The following CCDC149 variants were observed in gnomAD, a reference collection of about 807,000 sequenced individuals.
CCDC149 encodes the protein coiled-coil domain containing 149.
In CCDC149, 45 loss-of-function variants were observed where a neutral mutation model predicts 59.9. The ratio of observed to expected loss-of-function variants is 0.75; its 90% CI spans 0.59 to 0.96. CCDC149 has a LOEUF of 0.96. Among genes scored for constraint, CCDC149 ranks in the 40% least tolerant of loss-of-function variants. The probability of loss-of-function intolerance (pLI) is 0.00; values close to 1 mark genes in which losing one functional copy is unlikely to be tolerated. For missense variants in CCDC149, 584 were observed against 664.7 expected, an observed-to-expected ratio of 0.88 and a Z score of 1.33; for synonymous variants, 245 against 260.6, an observed-to-expected ratio of 0.94 and a Z score of 0.58.
chr4:24,816,665 G>A (rs1294210204), intron 12 of CCDC149, among the ~76,000 whole-genome samples: 1 of 152,060 alleles, frequency 6.6e-6, no homozygotes, highest in African/African-American at 2.4e-5. Context: ...TAATTATTCA[G>A]TGTTTTAGCA....
chr4:24,903,024 C>CAAAAAAAAAAAAAAAA (rs10646050), intron 1 of CCDC149, among the ~76,000 whole-genome samples: 2 of 52,508 alleles, frequency 3.8e-5, no homozygotes, highest in Non-Finnish European at 6.7e-5. Flanking sequence ...GAGTCTAACT[C>CAAAAAAAAAAAAAAAA]AAAAAAAAAA....
At chr4:24,884,536 A>C (rs2109268212) in intron 1 of CCDC149, among the ~76,000 whole-genome samples, 1 of 152,346 alleles carries the variant, frequency 6.6e-6, no homozygotes, top group Middle Eastern at 3.4e-3. Context: ...ATAGTGGCTA[A>C]CTACAGTACA....
chr4:24,943,677 G>A (rs943761925), intron 1 of CCDC149, among the ~76,000 whole-genome samples: 1 of 151,984 alleles, frequency 6.6e-6, no homozygotes, highest in Non-Finnish European at 1.5e-5. Flanking sequence ...TCTGACACAG[G>A]GCTAATATCC....
chr4:24,931,849 A>ATATATATATATATATATATACATG (rs1253209128), intron 1 of CCDC149, among the ~76,000 whole-genome samples: 2 of 143,990 alleles, frequency 1.4e-5, no homozygotes, highest in African/African-American at 5.3e-5. Context: ...ATATATATAT[A>ATATATATATATATATATATACATG]TATGCATAAT....
rs75221436 is a variant in CCDC149 at position 24,965,030 on chromosome 4, T to C, written c.-65+15039A>G. On this transcript the variant is annotated intron_variant, in intron 1 of 12. Transcript: ENST00000389609. ...TCAGATAAAAGAATTTCTTCCTGAC[T>C]GTCCTTAAAAATGGTAAAAGGAAGT... Among the ~76,000 whole-genome samples, 89 of 151,308 alleles carry C rather than the reference T, an allele frequency of 5.9e-4. 3 individuals are homozygous for C. The East Asian group carries it at 0.017, about 29-fold the overall frequency.
Position 24,838,147 on chromosome 4 carries a change from AG to A in CCDC149, c.489+8del. 1 of 1,597,086 alleles carries A rather than the reference AG, an allele frequency of 6.3e-7. No individual in the cohort carries two copies. Among genetic ancestry groups the A allele is most frequent in the South Asian group, 1.1e-5 (1 of 90,774 alleles). ...GCATCCCCCACTCTGAATAGATGTT[AG>A]TGAGAACCTGTTCCTTAGCTCGCTC... is the stretch of plus-strand genomic sequence containing the variant. On this transcript the variant is annotated splice_region_variant and intron_variant, in intron 5 of 12. Transcript: ENST00000635206.
intron 12 of CCDC149, among the ~76,000 whole-genome samples, chr4:24,809,189 C>T (rs1442596287): frequency 1.3e-5 from 2 of 152,082 alleles, no homozygotes; most frequent in Non-Finnish European, 2.9e-5. Flanking sequence ...AGAGCCAGGG[C>T]TTGTTAGTAA....
intron 1 of CCDC149, among the ~76,000 whole-genome samples, chr4:24,947,906 G>C (rs1490007455): frequency 6.6e-6 from 1 of 152,088 alleles, no homozygotes; most frequent in Non-Finnish European, 1.5e-5. Context: ...AATTTCACTG[G>C]AGAGGATTTT....
chr4:24,975,713 G>A (rs1724158594), intron 1 of CCDC149, among the ~76,000 whole-genome samples: 2 of 152,038 alleles, frequency 1.3e-5, no homozygotes, highest in African/African-American at 4.8e-5. Flanking sequence ...CTGCAACCAT[G>A]AAAGTAAACA....
intron 1 of CCDC149, among the ~76,000 whole-genome samples, chr4:24,880,059 C>T (rs1719745890): frequency 6.6e-6 from 1 of 152,174 alleles, no homozygotes; most frequent in Non-Finnish European, 1.5e-5. Context: ...CAAACATGGA[C>T]TACATTTTAC....
At chr4:24,908,083 T>C (rs555424564) in intron 1 of CCDC149, among the ~76,000 whole-genome samples, 1 of 152,314 alleles carries the variant, frequency 6.6e-6, no homozygotes, top group African/African-American at 2.4e-5. Context: ...AACTTGATTA[T>C]ATCTGCAAAG....
At chr4:24,861,190 T>C (rs1272939032) in intron 3 of CCDC149, among the ~76,000 whole-genome samples, 6 of 151,698 alleles carry the variant, frequency 4.0e-5, no homozygotes, top group African/African-American at 1.2e-4. Flanking sequence ...CAATTCACAA[T>C]TGCAAAAATA....
chr4:24,856,986 T>A (rs1718051931), intron 3 of CCDC149, among the ~76,000 whole-genome samples: 2 of 152,242 alleles, frequency 1.3e-5, no homozygotes, highest in South Asian at 4.1e-4. Context: ...AATCTCAGCA[T>A]CCCCATCTGG....
At chr4:24,841,116 CAAACA>C (rs1271700967) in intron 4 of CCDC149, among the ~76,000 whole-genome samples, 1 of 152,132 alleles carries the variant, frequency 6.6e-6, no homozygotes, top group African/African-American at 2.4e-5. Context: ...AACGACAAGC[CAAACA>C]AAACAATGTC....
intron 4 of CCDC149, among the ~76,000 whole-genome samples, chr4:24,845,104 C>T (rs1241095033): frequency 6.6e-6 from 1 of 152,202 alleles, no homozygotes; most frequent in Non-Finnish European, 1.5e-5. Context: ...GGCAACAATA[C>T]CTGCACAGCA....
At chr4:24,824,536 A>G (rs1356257346) in intron 9 of CCDC149, among the ~76,000 whole-genome samples, 1 of 152,212 alleles carries the variant, frequency 6.6e-6, no homozygotes, top group African/African-American at 2.4e-5. Flanking sequence ...TGTGGTGTAC[A>G]TGGTATTGTT....
chr4:24,831,416 C>T, intron 9 of CCDC149, 90 bp downstream of exon 9: 1 of 1,344,184 alleles, frequency 7.4e-7, no homozygotes, highest in Non-Finnish European at 1.0e-6. Flanking sequence ...CCCTGCAGGT[C>T]CGTCGTTCCA....
rs1329954491 is a variant in CCDC149 at position 24,876,601 on chromosome 4, T to C, written c.160A>G (p.Lys54Glu). Residue 54 changes from lysine (K) to glutamate (E), a missense_variant, in exon 2 of 13, where the codon AAA becomes GAA. Lys to Glu is a moderately conservative substitution (Grantham distance 56). Coordinates refer to ENST00000635206, the MANE Select transcript of CCDC149 (RefSeq NM_001330643.2). The stretch of plus-strand genomic sequence containing the variant: ...TCCCGGAGCTGATTGGCCATGAGTT[T>C]GTACTGGTCCCTTTCCTGTTGACAG... 3 of 1,614,184 alleles carry C rather than the reference T, an allele frequency of 1.9e-6. No homozygotes were observed. The highest frequency in any genetic ancestry group is 2.5e-6 in the Non-Finnish European group (3 of 1,180,018).
rs112465021 is a variant in CCDC149, at chr4:24,814,833, T to C, written c.1192+5026A>G. Among the ~76,000 whole-genome samples the C allele has an allele frequency of 2.5e-3, 379 of 152,278 alleles. 3 individuals carry two copies. The highest frequency in any genetic ancestry group is 8.7e-3 in the African/African-American group (363 of 41,564). On this transcript the variant is annotated intron_variant, in intron 12 of 12. Transcript: ENST00000635206. Reference sequence around the variant, plus strand: ...AACCAACTCCTCTCCTTATTCCCTCTACTCCAGCCACACTGAGCCCCTTCA... The same window carrying C: ...AACCAACTCCTCTCCTTATTCCCTCCACTCCAGCCACACTGAGCCCCTTCA...
Sources: allele counts gnomAD v4.1 joint callset (sites outside exome capture counted in the v4.1 genomes callset), GRCh38; gene constraint gnomAD v4.1.1; transcripts MANE v1.5; gene names NCBI Gene and HGNC (gene_info 2026-07-23, HGNC 2026-07-21).